Variants in DOK5 observed in about 807,000 individuals in gnomAD.
DOK5 encodes docking protein 5, also known as downstream of tyrosine kinase 5.
Under a neutral mutation model 43.3 loss-of-function variants are expected in DOK5, and 27 were observed. The ratio of observed to expected loss-of-function variants is 0.62; its 90% CI spans 0.46 to 0.86. DOK5 has a LOEUF of 0.86. Ranked by LOEUF, DOK5 falls within the 40% of genes least tolerant of loss-of-function variation. DOK5 has a pLI of 0.00. For missense variants in DOK5, 373 were observed against 392.9 expected, an observed-to-expected ratio of 0.95 and a Z score of 0.43; for synonymous variants, 146 against 140.1, an observed-to-expected ratio of 1.04 and a Z score of -0.30.
At chr20:54,648,536 A>G (rs565089570) in intron 7 of DOK5, among the ~76,000 whole-genome samples, 1 of 152,250 alleles carries the variant, frequency 6.6e-6, no homozygotes, top group Non-Finnish European at 1.5e-5. Context: ...ACCGAGAGCC[A>G]GGGGAAGGCA....
At chr20:54,523,644 C>T (rs529566435) in intron 1 of DOK5, among the ~76,000 whole-genome samples, 125 of 152,186 alleles carry the variant, frequency 8.2e-4, no homozygotes, top group Non-Finnish European at 1.5e-3. Flanking sequence ...TTGTTCTTGT[C>T]GCCCAGGCTG....
At chr20:54,535,760 A>C (rs567892302) in intron 1 of DOK5, among the ~76,000 whole-genome samples, 1 of 152,276 alleles carries the variant, frequency 6.6e-6, no homozygotes, top group South Asian at 2.1e-4. Flanking sequence ...TTAAGGAAAA[A>C]TGTGTGGAGC....
chr20:54,629,463 A>T (rs930150342), intron 6 of DOK5, among the ~76,000 whole-genome samples: 1 of 152,244 alleles, frequency 6.6e-6, no homozygotes, highest in South Asian at 2.1e-4. Flanking sequence ...CGTCCCAGAC[A>T]CCCAGTTTAC....
chr20:54,562,208 A>G (rs1984931935), intron 2 of DOK5, among the ~76,000 whole-genome samples: 2 of 152,162 alleles, frequency 1.3e-5, no homozygotes, highest in Non-Finnish European at 2.9e-5. Context: ...TTTGGATTCT[A>G]CAGGCCCTTA....
chr20:54,500,287 A>G (rs1219418549), intron 1 of DOK5, among the ~76,000 whole-genome samples: 2 of 152,200 alleles, frequency 1.3e-5, no homozygotes, highest in African/African-American at 4.8e-5. Flanking sequence ...CTTAATAACC[A>G]AGATCATCAC....
intron 2 of DOK5, among the ~76,000 whole-genome samples, chr20:54,576,305 A>G (rs1985449943): frequency 6.6e-6 from 1 of 152,190 alleles, no homozygotes; most frequent in Non-Finnish European, 1.5e-5. Context: ...AATAAATAAA[A>G]TGGTCATTCA....
chr20:54,591,763 G>A lies in DOK5; in HGVS notation c.557G>A (p.Arg186Gln), dbSNP rs769217160. ...LISWPLSALR[R>Q]YGRDTTWFTF... ...TCTTGGCCGCTAAGCGCCCTGCGGC[G>A]GTATGGACGTGATACTACGTGGTTC... is the stretch of plus-strand genomic sequence containing the variant. Residue 186 changes from arginine (R) to glutamine (Q), a missense_variant, in exon 5 of 8, where the codon CGG (arginine) becomes CAG (glutamine). By Grantham distance (43) the Arg-to-Gln change is conservative (BLOSUM62 1). Coordinates refer to ENST00000262593, the MANE Select transcript of DOK5 (RefSeq NM_018431.5). The A allele has an allele frequency of 7.4e-6, 12 of 1,614,124 alleles. No individual in the cohort carries two copies. The highest frequency in any genetic ancestry group is 4.5e-5 in the East Asian group (2 of 44,884).
At position 54,475,955 on chromosome 20, in the gene DOK5, C is replaced by T. The variant is rs142360201; in HGVS notation, c.9C>T (p.Ser3=). Reference sequence around the variant, plus strand: ...GTCACCGGCTGTCTGGGATGGCTTCCAATTTTAATGACATAGTGAAGCAAG... The same window carrying T: ...GTCACCGGCTGTCTGGGATGGCTTCTAATTTTAATGACATAGTGAAGCAAG... The part of the protein sequence containing the change: MA[S]NFNDIVKQGY... The change falls in exon 1 of 8, where the codon TCC becomes TCT. Residue 3 remains serine, a synonymous_variant. Transcript: ENST00000262593. The surrounding 1 kb of genome is among the most constrained non-coding windows in gnomAD (Gnocchi z 4.2). The T allele has an allele frequency of 8.1e-6, 13 of 1,613,278 alleles. No individual in the cohort carries two copies. Among genetic ancestry groups the T allele is most frequent in the Non-Finnish European group, 1.1e-5 (13 of 1,179,934 alleles).
intron 2 of DOK5, among the ~76,000 whole-genome samples, chr20:54,556,302 C>T (rs1351809247): frequency 6.6e-6 from 1 of 152,182 alleles, no homozygotes; most frequent in East Asian, 1.9e-4. Context: ...CAGATTTCCT[C>T]TATCATTTAT....
intron 5 of DOK5, among the ~76,000 whole-genome samples, chr20:54,607,805 C>T (rs1016929141): frequency 6.6e-6 from 1 of 152,012 alleles, no homozygotes; most frequent in Non-Finnish European, 1.5e-5. Context: ...ATTGCTTGAA[C>T]CCGGGAGGTG....
At chr20:54,591,261 A>C (rs1449366522) in intron 4 of DOK5, among the ~76,000 whole-genome samples, 1 of 151,938 alleles carries the variant, frequency 6.6e-6, no homozygotes, top group Non-Finnish European at 1.5e-5. Context: ...GATCTAGTTA[A>C]TGTGTTCTTG....
chr20:54,554,893 C>G, intron 1 of DOK5, 40 bp from the exon 2 acceptor site: 1 of 1,264,290 alleles, frequency 7.9e-7, no homozygotes, highest in South Asian at 1.2e-5. Context: ...AAATGTCAGT[C>G]AGGGGAGATG....
In DOK5 at chr20:54,505,043, A is replaced by G. The variant is rs533199197; in HGVS notation, c.66+29031A>G. 8.6e-5 allele frequency among the ~76,000 whole-genome samples: 13 copies of G among 152,040 alleles called. No individual in the cohort carries two copies. The South Asian group carries it at 2.5e-3, about 29-fold the overall frequency. ...GCATTCCCCAAGTGGTGTCTCCTGG[A>G]TCCCCTCCATCCTTGAATCTGTGCC... On this transcript the variant is annotated intron_variant, in intron 1 of 7. Coordinates refer to ENST00000262593, the MANE Select transcript of DOK5 (RefSeq NM_018431.5).
At chr20:54,623,934 C>T (rs1370191893) in intron 6 of DOK5, among the ~76,000 whole-genome samples, 1 of 152,148 alleles carries the variant, frequency 6.6e-6, no homozygotes, top group Non-Finnish European at 1.5e-5. Context: ...GAGAAAGAGA[C>T]TCACCTTGAA....
At chr20:54,495,589 T>C (rs780360841) in intron 1 of DOK5, among the ~76,000 whole-genome samples, 41 of 152,330 alleles carry the variant, frequency 2.7e-4, no homozygotes, top group South Asian at 1.5e-3. Flanking sequence ...TTGAGATTGA[T>C]TAAAGATTTA....
At chr20:54,573,078 A>G (rs1985342768) in intron 2 of DOK5, among the ~76,000 whole-genome samples, 1 of 152,204 alleles carries the variant, frequency 6.6e-6, no homozygotes, top group Admixed American at 6.5e-5. Flanking sequence ...CAAAATATGT[A>G]GAGTATTGGT....
intron 6 of DOK5, among the ~76,000 whole-genome samples, chr20:54,639,218 A>T (rs1978992386): frequency 6.6e-6 from 1 of 152,166 alleles, no homozygotes. Flanking sequence ...CCTCCCTATA[A>T]AGGGGTGTGC....
At chr20:54,576,856 T>C (rs189868946) in intron 2 of DOK5, among the ~76,000 whole-genome samples, 82 of 152,358 alleles carry the variant, frequency 5.4e-4, no homozygotes, top group Non-Finnish European at 8.1e-4. Context: ...AAGTACTTTA[T>C]TTTTACTTAG....
intron 1 of DOK5, among the ~76,000 whole-genome samples, chr20:54,502,604 G>T (rs1982651460): frequency 6.6e-6 from 1 of 152,036 alleles, no homozygotes; most frequent in Non-Finnish European, 1.5e-5. Flanking sequence ...GCATATATCA[G>T]CATATACATA....
Sources: gnomAD v4.1 joint callset for allele counts (sites outside exome capture counted in the v4.1 genomes callset) on GRCh38, gnomAD v4.1.1 for gene constraint, Gnocchi (gnomAD v3.1) non-coding constraint, MANE v1.5 for transcripts, NCBI Gene and HGNC (gene_info 2026-07-23, HGNC 2026-07-21) for gene names.